Variants in NOX4 observed in about 807,000 individuals in gnomAD.
NOX4 encodes kidney oxidase-1.
In NOX4, 69 loss-of-function variants were observed where a neutral mutation model predicts 87.6. That is an observed-to-expected ratio of 0.79 (90% CI 0.65 to 0.96). NOX4 has a LOEUF of 0.96. Among genes scored for constraint, NOX4 ranks in the 40% least tolerant of loss-of-function variants. The pLI is 0.00. For synonymous variants in NOX4, 275 were observed against 238.2 expected, an observed-to-expected ratio of 1.15 and a Z score of -1.42; for missense variants, 680 against 681.5, an observed-to-expected ratio of 1.00 and a Z score of 0.02.
intron 8 of NOX4, among the ~76,000 whole-genome samples, chr11:89,419,070 T>C (rs1157492126): frequency 6.6e-6 from 1 of 152,114 alleles, no homozygotes; most frequent in Non-Finnish European, 1.5e-5. Flanking sequence ...AGTTTTATAA[T>C]ATGTCTAGCT....
chr11:89,376,493 G>A (rs1343218105), intron 11 of NOX4, among the ~76,000 whole-genome samples: 2 of 152,118 alleles, frequency 1.3e-5, no homozygotes, highest in African/African-American at 2.4e-5. Context: ...CAGCTCTATC[G>A]TTCTCCTAAA....
Position 89,451,862 on chromosome 11 carries a change from C to G in NOX4, c.187G>C (p.Val63Leu), listed in dbSNP as rs759982278. The G allele has an allele frequency of 4.3e-6, 7 of 1,613,266 alleles. No homozygotes were observed. Among genetic ancestry groups the G allele is most frequent in the South Asian group, 1.1e-5 (1 of 91,082 alleles). The change falls in exon 3 of 18, where the codon GTT becomes CTT. Residue 63 changes from valine (V) to leucine (L), a missense_variant. Val to Leu is a conservative substitution (Grantham distance 32). Transcript: ENST00000263317. ...ATAAGGCTGCAGTTGAGGTTAAGAA[C>G]AGATGCTGAGGCTCTGCTTAGACAC... Reference protein sequence around the residue: ...GLCLSRASASVLNLNCSLILL... With the variant: ...GLCLSRASASLLNLNCSLILL...
intron 8 of NOX4, among the ~76,000 whole-genome samples, chr11:89,418,075 A>G (rs57565084): frequency 0.015 from 2,316 of 152,186 alleles, 64 homozygotes; most frequent in African/African-American, 0.052. Flanking sequence ...AATGAAGAAA[A>G]TCGCTAAAAT....
chr11:89,364,303 C>T (rs1938764642), intron 12 of NOX4, among the ~76,000 whole-genome samples: 1 of 151,866 alleles, frequency 6.6e-6, no homozygotes, highest in South Asian at 2.1e-4. Context: ...TACACACATA[C>T]ATATATACAC....
intron 6 of NOX4, among the ~76,000 whole-genome samples, chr11:89,436,289 C>G (rs144968529): frequency 1.3e-5 from 2 of 152,124 alleles, no homozygotes; most frequent in African/African-American, 4.8e-5. Context: ...CAAAGGGCAC[C>G]CTAAGCTAGC....
chr11:89,473,639 A>G (rs1946043723), intron 2 of NOX4, among the ~76,000 whole-genome samples: 1 of 152,066 alleles, frequency 6.6e-6, no homozygotes, highest in African/African-American at 2.4e-5. Context: ...CATATTGTCT[A>G]TTTTACTCCT....
chr11:89,483,361 T>C (rs1946469845), intron 2 of NOX4, among the ~76,000 whole-genome samples: 1 of 151,912 alleles, frequency 6.6e-6, no homozygotes, highest in Admixed American at 6.6e-5. Flanking sequence ...GGTCAACAGA[T>C]AAATGCATAA....
chr11:89,383,227 T>G (rs1940429540), intron 11 of NOX4, among the ~76,000 whole-genome samples: 1 of 152,174 alleles, frequency 6.6e-6, no homozygotes, highest in Admixed American at 6.5e-5. Flanking sequence ...TGGGATTCCT[T>G]AAGGACCTCC....
chr11:89,363,187 G>A (rs1477201427), intron 12 of NOX4, among the ~76,000 whole-genome samples: 3 of 151,934 alleles, frequency 2.0e-5, no homozygotes, highest in East Asian at 1.9e-4. Flanking sequence ...CAAAAGAAGC[G>A]GAGAGGTTTT....
At chr11:89,419,293 G>T (rs930230667) in intron 8 of NOX4, among the ~76,000 whole-genome samples, 7 of 151,962 alleles carry the variant, frequency 4.6e-5, no homozygotes, top group African/African-American at 1.7e-4. Context: ...TTGAACAATT[G>T]TACTTTATTT....
intron 5 of NOX4, 70 bp from the exon 6 acceptor site, chr11:89,440,785 A>G (rs994153936): frequency 1.2e-6 from 1 of 861,334 alleles, no homozygotes; most frequent in Admixed American, 2.8e-5. Flanking sequence ...TATAAAGAGT[A>G]TGCAGGATCT....
At chr11:89,374,820 A>G (rs193252011) in intron 11 of NOX4, among the ~76,000 whole-genome samples, 203 of 152,314 alleles carry the variant, frequency 1.3e-3, no homozygotes, top group African/African-American at 4.6e-3. Flanking sequence ...CACAGGTGAA[A>G]GAAAATGGCA....
intron 2 of NOX4, among the ~76,000 whole-genome samples, chr11:89,486,245 G>C (rs1946583448): frequency 7.7e-6 from 1 of 129,408 alleles, no homozygotes; most frequent in African/African-American, 2.6e-5. Context: ...GATTTTTATA[G>C]TTCTATACCA....
intron 2 of NOX4, among the ~76,000 whole-genome samples, chr11:89,469,361 C>G (rs189801796): frequency 6.6e-6 from 1 of 151,940 alleles, no homozygotes; most frequent in Non-Finnish European, 1.5e-5. Flanking sequence ...TTAAAAATAA[C>G]GAAAACTTAA....
chr11:89,511,560 A>C, the NOX4 span, among the ~76,000 whole-genome samples: 1 of 152,122 alleles, frequency 6.6e-6, no homozygotes, highest in African/African-American at 2.4e-5. Flanking sequence ...GGACCGTCTA[A>C]TTGCTAACAG....
At chr11:89,429,736 A>AGAGTCC (rs1943671009) in intron 7 of NOX4, among the ~76,000 whole-genome samples, 7 of 147,016 alleles carry the variant, frequency 4.8e-5, no homozygotes, top group Admixed American at 6.7e-5. Context: ...CCAACCAAAA[A>AGAGTCC]AGGACCAGAT....
intron 2 of NOX4, among the ~76,000 whole-genome samples, chr11:89,490,141 C>A (rs1946793626): frequency 6.6e-6 from 1 of 152,174 alleles, no homozygotes; most frequent in African/African-American, 2.4e-5. Context: ...GGTTGATCCT[C>A]CTAGTGAATC....
intron 7 of NOX4, among the ~76,000 whole-genome samples, chr11:89,432,168 A>G (rs1244555319): frequency 6.6e-6 from 1 of 151,978 alleles, no homozygotes; most frequent in Non-Finnish European, 1.5e-5. Context: ...ACTTGGACAC[A>G]GGAAGGGGAA....
chr11:89,509,045 A>G, the NOX4 span, among the ~76,000 whole-genome samples: 2 of 144,848 alleles, frequency 1.4e-5, no homozygotes, highest in Non-Finnish European at 3.1e-5. Context: ...ATGACTCTTA[A>G]AATGTTTTTA....
Sources: allele counts gnomAD v4.1 joint callset (sites outside exome capture counted in the v4.1 genomes callset), GRCh38; gene constraint gnomAD v4.1.1; transcripts MANE v1.5; gene names NCBI Gene and HGNC (gene_info 2026-07-23, HGNC 2026-07-21).